Variants in SGPP2 observed in about 807,000 individuals in gnomAD.
The protein encoded by SGPP2 is sphingosine 1-phosphate phosphohydrolase 2.
SGPP2 carries 30 observed loss-of-function variants against 33.9 expected under a neutral mutation model. The observed-to-expected ratio is 0.89, with a 90% CI of 0.66 to 1.20. SGPP2 has a LOEUF of 1.20. Among genes scored for constraint, SGPP2 ranks in the 50% most tolerant of loss-of-function variants. SGPP2 has a pLI of 0.00. For synonymous variants in SGPP2, 233 were observed against 225.0 expected, an observed-to-expected ratio of 1.04 and a Z score of -0.32; for missense variants, 458 against 532.1, an observed-to-expected ratio of 0.86 and a Z score of 1.37.
chr2:222,534,608 AACTT>A (rs1336051044), intron 4 of SGPP2, among the ~76,000 whole-genome samples: 1 of 152,196 alleles, frequency 6.6e-6, no homozygotes, highest in Non-Finnish European at 1.5e-5. Flanking sequence ...TGTTTAAAAA[AACTT>A]ACTTCAAAAT....
At chr2:222,462,644 C>T (rs541275552) in intron 1 of SGPP2, among the ~76,000 whole-genome samples, 73 of 152,182 alleles carry the variant, frequency 4.8e-4, no homozygotes, top group South Asian at 2.1e-3. Context: ...ATCACAATTT[C>T]GTTAAGATAC....
chr2:222,558,125 AAAG>A (rs1222510990), intron 4 of SGPP2, among the ~76,000 whole-genome samples: 7 of 152,250 alleles, frequency 4.6e-5, no homozygotes, highest in African/African-American at 4.8e-5. Flanking sequence ...AAAAAAGGTG[AAAG>A]AAGATACGTA....
chr2:222,470,518 C>A (rs1419349565), intron 1 of SGPP2, among the ~76,000 whole-genome samples: 1 of 152,122 alleles, frequency 6.6e-6, no homozygotes, highest in Admixed American at 6.5e-5. Flanking sequence ...AAAACAAATT[C>A]CTGAGAGATT....
chr2:222,500,629 C>T (rs1157451025), intron 2 of SGPP2, among the ~76,000 whole-genome samples: 2 of 152,168 alleles, frequency 1.3e-5, no homozygotes, highest in Admixed American at 6.5e-5. Flanking sequence ...TGGAAGAGTC[C>T]ATTTGGCTGT....
At chr2:222,532,326 G>T (rs769029854) in intron 4 of SGPP2, among the ~76,000 whole-genome samples, 2 of 151,938 alleles carry the variant, frequency 1.3e-5, no homozygotes, top group Non-Finnish European at 2.9e-5. Context: ...AGAAAAAAAT[G>T]GCTCTCTCTG....
chr2:222,544,638 T>C (rs1202251200), intron 4 of SGPP2, among the ~76,000 whole-genome samples: 2 of 152,248 alleles, frequency 1.3e-5, no homozygotes, highest in African/African-American at 2.4e-5. Context: ...AAAAAAAGTC[T>C]GTACATGTTC....
chr2:222,528,060 C>T (rs774493991), intron 4 of SGPP2, among the ~76,000 whole-genome samples: 4 of 151,932 alleles, frequency 2.6e-5, no homozygotes, highest in Non-Finnish European at 4.4e-5. Context: ...ACTATGATAG[C>T]GTGCCCCTTC....
rs1697638311 is a variant in SGPP2, at chr2:222,460,216, A to G, written c.220-14352A>G. On this transcript the variant is annotated intron_variant, in intron 1 of 4. Coordinates refer to ENST00000321276, the MANE Select transcript of SGPP2 (RefSeq NM_152386.4). The surrounding 1 kb of genome is among the most constrained non-coding windows in gnomAD (Gnocchi z 4.3). ...TTTTGTTCCTGTGGTTTCTTGCTAAATAACTGTATCATCAGATCCCACATG... is the reference window on the plus strand; with the variant it reads ...TTTTGTTCCTGTGGTTTCTTGCTAAGTAACTGTATCATCAGATCCCACATG... Among the ~76,000 whole-genome samples, 1 of 152,190 alleles carries G rather than the reference A, an allele frequency of 6.6e-6. No individual in the cohort carries two copies. Among genetic ancestry groups the G allele is most frequent in the South Asian group, 2.1e-4 (1 of 4,830 alleles).
chr2:222,438,418 C>G (rs575736084), intron 1 of SGPP2, among the ~76,000 whole-genome samples: 1 of 152,312 alleles, frequency 6.6e-6, no homozygotes, highest in Admixed American at 6.5e-5. Context: ...GAAAAGCGAT[C>G]AAGGTCTCTC....
intron 1 of SGPP2, among the ~76,000 whole-genome samples, chr2:222,473,221 T>C (rs536106530): frequency 1.6e-4 from 24 of 152,234 alleles, no homozygotes; most frequent in African/African-American, 5.5e-4. Context: ...AGGTCAGAAG[T>C]CCAAAGTGGA....
chr2:222,531,336 T>G (rs1168911613), intron 4 of SGPP2, among the ~76,000 whole-genome samples: 2 of 152,188 alleles, frequency 1.3e-5, no homozygotes, highest in Admixed American at 6.5e-5. Context: ...CGATGGAGTA[T>G]TAGCCTTAAA....
intron 4 of SGPP2, among the ~76,000 whole-genome samples, chr2:222,525,591 A>G (rs1002390550): frequency 3.9e-5 from 6 of 152,212 alleles, no homozygotes; most frequent in Admixed American, 3.3e-4. Context: ...AATATTTTCC[A>G]GGGCCGCCAT....
chr2:222,506,414 G>A (rs1289441508), intron 2 of SGPP2, among the ~76,000 whole-genome samples: 1 of 152,220 alleles, frequency 6.6e-6, no homozygotes, highest in Non-Finnish European at 1.5e-5. Context: ...ACCGTAGGTT[G>A]AAGTCTGCCT....
intron 2 of SGPP2, among the ~76,000 whole-genome samples, chr2:222,518,222 C>T (rs1698634550): frequency 6.6e-6 from 1 of 152,140 alleles, no homozygotes; most frequent in Admixed American, 6.5e-5. Flanking sequence ...TAATATGCAG[C>T]CGTAGTATTT....
At position 222,461,490 on chromosome 2, in the gene SGPP2, C is replaced by T. The variant is rs537347292; in HGVS notation, c.220-13078C>T. Among the ~76,000 whole-genome samples the T allele has an allele frequency of 5.9e-4, 89 of 152,074 alleles. 3 individuals carry two copies. In the South Asian group the frequency reaches 0.018, roughly 30 times the overall value. On this transcript the variant is annotated intron_variant, in intron 1 of 4. Coordinates refer to ENST00000321276, the MANE Select transcript of SGPP2 (RefSeq NM_152386.4). The stretch of plus-strand genomic sequence containing the variant: ...TCAAGCACGTTGCCTTTATTGTGCA[C>T]TTTATTTCTATTATTATTACATTGT...
intron 2 of SGPP2, among the ~76,000 whole-genome samples, chr2:222,494,267 G>A (rs763167877): frequency 2.0e-5 from 3 of 152,074 alleles, no homozygotes; most frequent in Admixed American, 6.6e-5. Flanking sequence ...ACTGAGCACT[G>A]GGAAGAAAAA....
At chr2:222,489,155 A>G (rs1698159270) in intron 2 of SGPP2, among the ~76,000 whole-genome samples, 1 of 152,202 alleles carries the variant, frequency 6.6e-6, no homozygotes, top group Non-Finnish European at 1.5e-5. Context: ...TAAACCTTGT[A>G]TTTACTACAA....
At chr2:222,528,107 T>C (rs774771051) in intron 4 of SGPP2, among the ~76,000 whole-genome samples, 1 of 152,212 alleles carries the variant, frequency 6.6e-6, no homozygotes, top group Non-Finnish European at 1.5e-5. Flanking sequence ...ATGTCTTTTA[T>C]AATGGTTCTC....
chr2:222,486,824 A>C (rs1284358917), intron 2 of SGPP2, among the ~76,000 whole-genome samples: 1 of 152,152 alleles, frequency 6.6e-6, no homozygotes, highest in African/African-American at 2.4e-5. Context: ...TCCCTTAATT[A>C]TGGTATATAT....
Sources: gnomAD v4.1 joint callset for allele counts (sites outside exome capture counted in the v4.1 genomes callset) on GRCh38, gnomAD v4.1.1 for gene constraint, Gnocchi (gnomAD v3.1) non-coding constraint, MANE v1.5 for transcripts, NCBI Gene and HGNC (gene_info 2026-07-23, HGNC 2026-07-21) for gene names.